MMS22L: variants seen among roughly 807,000 people sequenced by gnomAD.
MMS22L encodes the protein MMS22 like, DNA repair protein, also known as protein MMS22-like.
Under a neutral mutation model 159.1 loss-of-function variants are expected in MMS22L, and 74 were observed. That is an observed-to-expected ratio of 0.47 (90% CI 0.39 to 0.56). The LOEUF (loss-of-function observed/expected upper bound fraction) is 0.56. MMS22L is among the 20% of genes least tolerant of loss of function. The pLI, the probability that MMS22L is intolerant of heterozygous loss-of-function variation, is 0.00. For missense variants in MMS22L, 1,351 were observed against 1,422.1 expected (o/e 0.95, Z 0.80); for synonymous variants, 517 against 506.9 (o/e 1.02, Z -0.27).
At chr6:97,263,912 G>C (rs1347308307) in intron 8 of MMS22L, 1 of 152,532 alleles carries the variant, frequency 6.6e-6, no homozygotes, top group Non-Finnish European at 1.5e-5. Context: ...GTTTCACCGT[G>C]TTAGCCAGGA....
intron 9 of MMS22L, chr6:97,261,982 A>G (rs1450668753): frequency 6.6e-6 from 1 of 152,172 alleles, no homozygotes; most frequent in East Asian, 1.9e-4. Flanking sequence ...GGGCTAGAAT[A>G]CAACAAAAAA....
At chr6:97,202,968 T>C (rs1807341000) in intron 14 of MMS22L, among the ~76,000 whole-genome samples, 1 of 152,196 alleles carries the variant, frequency 6.6e-6, no homozygotes, top group Non-Finnish European at 1.5e-5. Flanking sequence ...AGCCTTGTTT[T>C]TATGCATTTT....
intron 8 of MMS22L, 153 bp downstream of exon 8, chr6:97,267,719 T>C (rs1022278006): frequency 1.1e-5 from 6 of 550,240 alleles, no homozygotes; most frequent in African/African-American, 7.9e-5. Context: ...TAAATAAAAA[T>C]TGTTTTCCCT....
intron 17 of MMS22L, among the ~76,000 whole-genome samples, chr6:97,179,099 T>C (rs1235725203): frequency 6.6e-6 from 1 of 152,118 alleles, no homozygotes; most frequent in Non-Finnish European, 1.5e-5. Flanking sequence ...TCTACTTTTT[T>C]CGTGATCAGT....
chr6:97,264,552 A>C (rs927340350), intron 8 of MMS22L: 12 of 152,192 alleles, frequency 7.9e-5, no homozygotes, highest in African/African-American at 2.9e-4. Context: ...TCCTAGCCAC[A>C]GCAATTATGC....
At chr6:97,147,111 T>A (rs1800961302) in intron 24 of MMS22L, among the ~76,000 whole-genome samples, 1 of 152,116 alleles carries the variant, frequency 6.6e-6, no homozygotes, top group Non-Finnish European at 1.5e-5. Flanking sequence ...ATAAAATGTG[T>A]GCTAAAAATG....
chr6:97,184,999 A>G (rs578245246), intron 15 of MMS22L, among the ~76,000 whole-genome samples: 1 of 152,174 alleles, frequency 6.6e-6, no homozygotes, highest in East Asian at 1.9e-4. Flanking sequence ...CTGCTTCCCT[A>G]TAGTTTCTCA....
At chr6:97,207,830 T>C (rs1174161962) in intron 14 of MMS22L, among the ~76,000 whole-genome samples, 1 of 152,148 alleles carries the variant, frequency 6.6e-6, no homozygotes, top group Non-Finnish European at 1.5e-5. Context: ...TACAGGCATA[T>C]GGAAATCATT....
intron 14 of MMS22L, among the ~76,000 whole-genome samples, chr6:97,200,380 A>T (rs1182404829): frequency 6.6e-6 from 1 of 152,126 alleles, no homozygotes; most frequent in African/African-American, 2.4e-5. Flanking sequence ...CTAAAAGATT[A>T]TCCATTGAGT....
intron 10 of MMS22L, among the ~76,000 whole-genome samples, chr6:97,252,720 C>A (rs535026230): frequency 6.6e-6 from 1 of 151,252 alleles, no homozygotes; most frequent in African/African-American, 2.4e-5. Context: ...TGCAAATACA[C>A]AACAGAAACT....
At chr6:97,273,445 T>C (rs1018262811) in intron 4 of MMS22L, among the ~76,000 whole-genome samples, 1 of 152,194 alleles carries the variant, frequency 6.6e-6, no homozygotes, top group African/African-American at 2.4e-5. Flanking sequence ...TCCTGAATCC[T>C]CTACTCTCTG....
At chr6:97,197,824 C>T (rs1806704368) in intron 14 of MMS22L, among the ~76,000 whole-genome samples, 1 of 152,120 alleles carries the variant, frequency 6.6e-6, no homozygotes, top group African/African-American at 2.4e-5. Context: ...ACCAATCTAT[C>T]TAACTTAGCA....
At chr6:97,172,352 A>C (rs1803634762) in intron 19 of MMS22L, among the ~76,000 whole-genome samples, 1 of 152,134 alleles carries the variant, frequency 6.6e-6, no homozygotes, top group Non-Finnish European at 1.5e-5. Flanking sequence ...TCATACATTC[A>C]TAAGATTAAA....
chr6:97,274,423 T>G (rs1816054101), intron 4 of MMS22L, among the ~76,000 whole-genome samples: 1 of 152,136 alleles, frequency 6.6e-6, no homozygotes, highest in Non-Finnish European at 1.5e-5. Context: ...AACATCTGCA[T>G]CCAGGCAAGA....
intron 10 of MMS22L, among the ~76,000 whole-genome samples, chr6:97,249,186 G>A (rs192377990): frequency 3.9e-5 from 6 of 152,242 alleles, no homozygotes; most frequent in Admixed American, 3.9e-4. Context: ...GCTTGAGTGG[G>A]CACCCGTTTT....
intron 14 of MMS22L, among the ~76,000 whole-genome samples, chr6:97,216,150 T>C (rs189542071): frequency 3.5e-4 from 53 of 152,314 alleles, no homozygotes; most frequent in Admixed American, 3.3e-3. Flanking sequence ...AGTAAATTCA[T>C]ATCATTAAAC....
At chr6:97,274,347 A>T (rs997600206) in intron 4 of MMS22L, among the ~76,000 whole-genome samples, 3 of 152,222 alleles carry the variant, frequency 2.0e-5, no homozygotes, top group African/African-American at 4.8e-5. Flanking sequence ...ATAAAAAGTC[A>T]TATCATCCCA....
intron 11 of MMS22L, chr6:97,246,170 AATG>A: frequency 2.2e-6 from 1 of 454,128 alleles, no homozygotes; most frequent in South Asian, 1.6e-5. Context: ...CAGAAAGAAA[AATG>A]ATAAGGTATG....
intron 14 of MMS22L, among the ~76,000 whole-genome samples, chr6:97,208,722 G>T (rs13197219): frequency 0.061 from 9,301 of 151,946 alleles, 427 homozygotes; most frequent in African/African-American, 0.13. Flanking sequence ...CATATGAAGG[G>T]TATAAAGAAC....
Sources: gnomAD v4.1 joint callset for allele counts (sites outside exome capture counted in the v4.1 genomes callset) on GRCh38, gnomAD v4.1.1 for gene constraint, MANE v1.5 for transcripts, NCBI Gene and HGNC (gene_info 2026-07-23, HGNC 2026-07-21) for gene names.